Variants in SHCBP1L observed in about 807,000 individuals in gnomAD.
The protein encoded by SHCBP1L is SHC binding and spindle associated 1 like, also known as testicular spindle-associated protein SHCBP1L.
In SHCBP1L, 67 loss-of-function variants were observed where a neutral mutation model predicts 62.5. That is an observed-to-expected ratio of 1.07 (90% CI 0.88 to 1.31). The LOEUF (loss-of-function observed/expected upper bound fraction) is 1.31, where lower values mean the gene tolerates loss of function less well. Ranked by LOEUF, SHCBP1L falls within the 40% of genes most tolerant of loss-of-function variation. The pLI, the probability that SHCBP1L is intolerant of heterozygous loss-of-function variation, is 0.00. For missense variants in SHCBP1L, 823 were observed against 809.8 expected (o/e 1.02, Z -0.20); for synonymous variants, 284 against 289.4 (o/e 0.98, Z 0.19).
chr1:182,915,243 A>G (rs1650321024), intron 6 of SHCBP1L, among the ~76,000 whole-genome samples: 1 of 151,628 alleles, frequency 6.6e-6, no homozygotes, highest in East Asian at 1.9e-4. Flanking sequence ...CAGTGAAAGA[A>G]TAAAAAGATA....
chr1:182,910,322 G>A (rs535619636), intron 6 of SHCBP1L, among the ~76,000 whole-genome samples: 86 of 152,218 alleles, frequency 5.6e-4, no homozygotes, highest in Non-Finnish European at 1.1e-3. Context: ...CTGCTCTGCA[G>A]CAGCAATGGA....
intron 5 of SHCBP1L, among the ~76,000 whole-genome samples, 192 bp from the exon 6 acceptor site, chr1:182,929,944 C>T (rs1205570696): frequency 6.6e-6 from 1 of 152,132 alleles, no homozygotes; most frequent in African/African-American, 2.4e-5. Flanking sequence ...ATGTTTAAAT[C>T]CTTAAACTCT....
chr1:182,950,564 C>G (rs1164099500), intron 2 of SHCBP1L: 1 of 152,112 alleles, frequency 6.6e-6, no homozygotes, highest in African/African-American at 2.4e-5. Context: ...GTGGCATGCG[C>G]CTGTAATCCC....
At chr1:182,939,114 G>A (rs1651268792) in intron 5 of SHCBP1L, 62 bp downstream of exon 5, 2 of 1,290,426 alleles carry the variant, frequency 1.5e-6, no homozygotes, top group African/African-American at 3.0e-5. Context: ...CAAATTAAGT[G>A]CTATGATAAA....
intron 5 of SHCBP1L, among the ~76,000 whole-genome samples, chr1:182,936,230 G>T (rs1319004499): frequency 8.7e-5 from 13 of 149,570 alleles, no homozygotes; most frequent in Non-Finnish European, 1.8e-4. Context: ...CCACCTCACA[G>T]GTTCAAGTGA....
At chr1:182,904,544 T>C (rs913736896) in intron 7 of SHCBP1L, 114 bp from the exon 8 acceptor site, 10 of 731,316 alleles carry the variant, frequency 1.4e-5, no homozygotes, top group Admixed American at 5.8e-5. Flanking sequence ...CGTGTGTGTG[T>C]GTGTGTGTGT....
At chr1:182,923,152 A>C (rs759406216) in intron 6 of SHCBP1L, among the ~76,000 whole-genome samples, 34 of 152,310 alleles carry the variant, frequency 2.2e-4, no homozygotes, top group Non-Finnish European at 4.1e-4. Context: ...GAATTCCTGC[A>C]AACACACAAT....
chr1:182,943,560 C>A (rs1332692414), intron 2 of SHCBP1L, among the ~76,000 whole-genome samples: 2 of 151,486 alleles, frequency 1.3e-5, no homozygotes, highest in Non-Finnish European at 1.5e-5. Context: ...GATTCTCCAG[C>A]CTCAGCCTCC....
chr1:182,941,078 A>C (rs1349445860), intron 2 of SHCBP1L, among the ~76,000 whole-genome samples: 2 of 152,100 alleles, frequency 1.3e-5, no homozygotes, highest in African/African-American at 4.8e-5. Context: ...ATAATAAATC[A>C]TAATTATAAG....
intron 6 of SHCBP1L, among the ~76,000 whole-genome samples, chr1:182,924,974 GAAAAA>G (rs772984933): frequency 9.1e-6 from 1 of 109,578 alleles, no homozygotes; most frequent in African/African-American, 3.8e-5. Flanking sequence ...AAGAAAGAAA[GAAAAA>G]AAAAGGAAGA....
At chr1:182,901,269 C>A (rs1190890296) in intron 9 of SHCBP1L, among the ~76,000 whole-genome samples, 1 of 152,066 alleles carries the variant, frequency 6.6e-6, no homozygotes, top group South Asian at 2.1e-4. Flanking sequence ...ACCAGCCTGA[C>A]CAACATGGAG....
intron 2 of SHCBP1L, among the ~76,000 whole-genome samples, chr1:182,941,008 T>G (rs1352064811): frequency 6.6e-6 from 1 of 152,138 alleles, no homozygotes; most frequent in Non-Finnish European, 1.5e-5. Context: ...CATGCCACTG[T>G]GCCCAGCTAA....
At chr1:182,939,686 G>T in intron 3 of SHCBP1L, 133 bp from the exon 4 acceptor site, 4 of 661,402 alleles carry the variant, frequency 6.0e-6, no homozygotes, top group Non-Finnish European at 9.7e-6. Flanking sequence ...AATGACCTTT[G>T]AGTGAACTAA....
intron 2 of SHCBP1L, among the ~76,000 whole-genome samples, chr1:182,949,872 GCT>G (rs1183973473): frequency 1.4e-5 from 2 of 147,822 alleles, no homozygotes; most frequent in Admixed American, 6.8e-5. Flanking sequence ...TGTCACCCAG[GCT>G]CACTGCAACC....
intron 2 of SHCBP1L, among the ~76,000 whole-genome samples, chr1:182,948,769 A>C (rs1651652796): frequency 6.6e-6 from 1 of 152,224 alleles, no homozygotes; most frequent in South Asian, 2.1e-4. Flanking sequence ...TTATTGTGAC[A>C]TCAGAACAAA....
At chr1:182,931,628 G>A (rs1026635521) in intron 5 of SHCBP1L, among the ~76,000 whole-genome samples, 2 of 152,072 alleles carry the variant, frequency 1.3e-5, no homozygotes, top group African/African-American at 4.8e-5. Context: ...AGCAGTTTCA[G>A]ATTTTCAGCA....
At chr1:182,952,385 T>G (rs1651803805) in intron 1 of SHCBP1L, 1 of 220,064 alleles carries the variant, frequency 4.5e-6, no homozygotes, top group Non-Finnish European at 8.8e-6. Context: ...CTTACTCATG[T>G]TTGGACATAA....
At chr1:182,919,046 T>C (rs1650443174) in intron 6 of SHCBP1L, among the ~76,000 whole-genome samples, 1 of 152,150 alleles carries the variant, frequency 6.6e-6, no homozygotes, top group Non-Finnish European at 1.5e-5. Flanking sequence ...ATAAAACTCT[T>C]AGGAAAAACC....
At chr1:182,944,961 T>C (rs902718722) in intron 2 of SHCBP1L, among the ~76,000 whole-genome samples, 72 of 143,346 alleles carry the variant, frequency 5.0e-4, no homozygotes, top group African/African-American at 1.2e-3. Flanking sequence ...TTCTTTCTTT[T>C]TTTTTTTTTT....
Sources: allele counts gnomAD v4.1 joint callset (sites outside exome capture counted in the v4.1 genomes callset), GRCh38; gene constraint gnomAD v4.1.1; transcripts MANE v1.5; gene names NCBI Gene and HGNC (gene_info 2026-07-23, HGNC 2026-07-21).